The following ME3 variants were observed in gnomAD, a reference collection of about 807,000 sequenced individuals.
ME3 encodes the protein malic enzyme 3.
In ME3, 48 loss-of-function variants were observed where a neutral mutation model predicts 68.9. That is an observed-to-expected ratio of 0.70 (90% CI 0.55 to 0.89). The LOEUF is 0.89. Ranked by LOEUF, ME3 falls within the 40% of genes least tolerant of loss-of-function variation. The pLI is 0.00. For missense variants in ME3, 675 were observed against 797.4 expected (o/e 0.85, Z 1.85); for synonymous variants, 320 against 318.8 (o/e 1.00, Z -0.04).
intron 2 of ME3, among the ~76,000 whole-genome samples, chr11:86,651,997 A>C (rs1383088870): frequency 2.0e-5 from 3 of 152,234 alleles, no homozygotes; most frequent in African/African-American, 7.2e-5. Context: ...GGTATCAGTG[A>C]CGGAAGATCA....
chr11:86,487,585 G>T, intron 6 of ME3, 145 bp from the exon 7 acceptor site: 2 of 650,322 alleles, frequency 3.1e-6, no homozygotes, highest in Non-Finnish European at 2.7e-6. Context: ...CCCCCGCCCA[G>T]GTGTCATTTC....
intron 4 of ME3, among the ~76,000 whole-genome samples, chr11:86,541,849 C>T (rs1464261660): frequency 6.6e-6 from 1 of 152,222 alleles, no homozygotes; most frequent in Non-Finnish European, 1.5e-5. Flanking sequence ...TGCCTCCTGA[C>T]TAGGGTGGGG....
Position 86,448,138 on chromosome 11 carries a change from C to G in ME3, c.1237+12G>C, listed in dbSNP as rs760694931. On this transcript the variant is annotated intron_variant, in intron 11 of 14. Coordinates refer to ENST00000543262, the Ensembl canonical transcript of ME3. ...AGCTGGGCTGGGTAGTGGGTACCCT[C>G]CCTCCTCCTACCTATGATGGCTGTG... is the stretch of plus-strand genomic sequence containing the variant. 1 of 1,587,866 alleles carries G rather than the reference C, an allele frequency of 6.3e-7. No individual in the cohort carries two copies. Among genetic ancestry groups the G allele is most frequent in the Non-Finnish European group, 8.6e-7 (1 of 1,156,138 alleles).
At chr11:86,544,384 T>C (rs1271144102) in intron 4 of ME3, among the ~76,000 whole-genome samples, 1 of 151,778 alleles carries the variant, frequency 6.6e-6, no homozygotes, top group Non-Finnish European at 1.5e-5. Context: ...TTTGAAAAGA[T>C]TAACAAAACA....
intron 2 of ME3, among the ~76,000 whole-genome samples, chr11:86,603,815 AATC>A (rs1237515966): frequency 2.6e-5 from 4 of 151,724 alleles, no homozygotes; most frequent in African/African-American, 9.7e-5. Flanking sequence ...TGAAACTGGA[AATC>A]ATCATTCTCA....
At chr11:86,561,924 A>C (rs1957256810) in intron 2 of ME3, among the ~76,000 whole-genome samples, 1 of 152,134 alleles carries the variant, frequency 6.6e-6, no homozygotes, top group African/African-American at 2.4e-5. Context: ...CTATTAAATA[A>C]TTTTTTAAAA....
chr11:86,598,864 A>T (rs1375871439), intron 2 of ME3, among the ~76,000 whole-genome samples: 1 of 152,150 alleles, frequency 6.6e-6, no homozygotes, highest in Non-Finnish European at 1.5e-5. Context: ...CCTCTAGCAA[A>T]CTCCAACAGA....
At chr11:86,465,126 C>T (rs200546635) in exon 8 of ME3, 380 of 1,613,592 alleles carry the variant, frequency 2.4e-4, no homozygotes, top group Non-Finnish European at 2.1e-4. Context: ...GTACTTGTTA[C>T]GGTATTTGTT....
intron 2 of ME3, among the ~76,000 whole-genome samples, chr11:86,594,406 C>A (rs1039355282): frequency 1.4e-5 from 2 of 146,214 alleles, no homozygotes; most frequent in South Asian, 2.3e-4. Context: ...AAGTTGGTCT[C>A]CTAGCTGGGC....
chr11:86,475,874 T>TAGAGAGAGAG (rs1555206746), intron 7 of ME3, among the ~76,000 whole-genome samples: 70 of 91,446 alleles, frequency 7.7e-4, no homozygotes, highest in South Asian at 2.5e-3. Context: ...TATATATATA[T>TAGAGAGAGAG]AGAGAGAGAG....
intron 5 of ME3, 28 bp from the exon 6 acceptor site, chr11:86,498,152 AG>A (rs1184314474): frequency 6.3e-7 from 1 of 1,594,854 alleles, no homozygotes; most frequent in South Asian, 1.1e-5. Flanking sequence ...ACCATCAATC[AG>A]GGACAGCACT....
intron 2 of ME3, among the ~76,000 whole-genome samples, chr11:86,658,555 G>A (rs1946071043): frequency 6.6e-6 from 1 of 152,168 alleles, no homozygotes; most frequent in Non-Finnish European, 1.5e-5. Context: ...AGAGGAGGCA[G>A]CTGACTCTGT....
At chr11:86,608,381 TA>T (rs1272079107) in intron 2 of ME3, among the ~76,000 whole-genome samples, 1 of 152,216 alleles carries the variant, frequency 6.6e-6, no homozygotes, top group Non-Finnish European at 1.5e-5. Context: ...CCATTTCTAC[TA>T]AAACAAAGTA....
intron 2 of ME3, among the ~76,000 whole-genome samples, chr11:86,593,833 A>T (rs1346891417): frequency 1.4e-5 from 2 of 146,782 alleles, no homozygotes; most frequent in African/African-American, 2.5e-5. Flanking sequence ...AAATGTTATT[A>T]AAAAACAGAA....
intron 2 of ME3, among the ~76,000 whole-genome samples, chr11:86,666,838 T>C (rs149268993): frequency 5.1e-4 from 77 of 152,328 alleles, no homozygotes; most frequent in African/African-American, 1.8e-3. Flanking sequence ...TAATTATCCA[T>C]ACAACACACT....
intron 2 of ME3, among the ~76,000 whole-genome samples, chr11:86,585,042 G>A (rs1299072765): frequency 6.6e-6 from 1 of 152,126 alleles, no homozygotes; most frequent in Non-Finnish European, 1.5e-5. Context: ...GGTGGTGCTC[G>A]GGGTAGGGGT....
chr11:86,442,502 G>A (rs1949054838), intron 14 of ME3, among the ~76,000 whole-genome samples: 1 of 152,118 alleles, frequency 6.6e-6, no homozygotes, highest in South Asian at 2.1e-4. Context: ...TGCTATGCAA[G>A]CTGACCTTTC....
chr11:86,459,953 A>G (rs1236642258), intron 8 of ME3, among the ~76,000 whole-genome samples: 1 of 152,326 alleles, frequency 6.6e-6, no homozygotes, highest in Non-Finnish European at 1.5e-5. Context: ...CTGTGTGGTC[A>G]GCTTGCAGGT....
chr11:86,663,903 C>T (rs1384521974), intron 2 of ME3, among the ~76,000 whole-genome samples: 1 of 152,224 alleles, frequency 6.6e-6, no homozygotes, highest in Non-Finnish European at 1.5e-5. Flanking sequence ...CTGGGCAAAA[C>T]ACATATTTCT....
Sources: gnomAD v4.1 joint callset for allele counts (sites outside exome capture counted in the v4.1 genomes callset) on GRCh38, gnomAD v4.1.1 for gene constraint, MANE v1.5 for transcripts, NCBI Gene and HGNC (gene_info 2026-07-23, HGNC 2026-07-21) for gene names.